Variants in SHROOM3 observed in about 807,000 individuals in gnomAD.
SHROOM3 encodes shroom family member 3.
In SHROOM3, 47 loss-of-function variants were observed where a neutral mutation model predicts 138.6. The observed-to-expected ratio is 0.34, with a 90% confidence interval of 0.27 to 0.43. SHROOM3 has a LOEUF of 0.43. SHROOM3 is among the 20% of genes least tolerant of loss of function. The pLI, the probability that SHROOM3 is intolerant of heterozygous loss-of-function variation, is 1.00. For synonymous variants in SHROOM3, 1,062 were observed against 1,063.3 expected, an observed-to-expected ratio of 1.00 and a Z score of 0.02; for missense variants, 2,491 against 2,596.5, an observed-to-expected ratio of 0.96 and a Z score of 0.88.
chr4:76,452,107 G>T (rs1730938626), intron 1 of SHROOM3, among the ~76,000 whole-genome samples: 1 of 152,084 alleles, frequency 6.6e-6, no homozygotes, highest in African/African-American at 2.4e-5. Context: ...ACCAAAATTA[G>T]GTCAGATGAA....
chr4:76,581,038 T>A (rs1246839305), intron 2 of SHROOM3, among the ~76,000 whole-genome samples: 1 of 152,214 alleles, frequency 6.6e-6, no homozygotes, highest in Non-Finnish European at 1.5e-5. Context: ...AAATGGATCA[T>A]TAATAATGCT....
intron 1 of SHROOM3, among the ~76,000 whole-genome samples, chr4:76,495,807 G>A (rs1361484870): frequency 6.6e-6 from 1 of 152,240 alleles, no homozygotes; most frequent in East Asian, 1.9e-4. Flanking sequence ...TACCATATGT[G>A]TATGGCACCA....
At chr4:76,738,565 G>A (rs1430016162) in intron 4 of SHROOM3, among the ~76,000 whole-genome samples, 196 bp from the exon 5 acceptor site, 3 of 152,330 alleles carry the variant, frequency 2.0e-5, no homozygotes, top group African/African-American at 7.2e-5. Context: ...GAGGCAGATA[G>A]GTTAGAGTGT....
chr4:76,754,793 C>T lies in SHROOM3; in HGVS notation c.4310C>T (p.Ala1437Val). ...TCTCGAGCAAAGTGGGCCCACGCAG[C>T]CAGAGAGGACAGCCTTCCTGAGGAA... ...PPSRAKWAHAAREDSLPEESS... is the reference protein window; with the variant it reads ...PPSRAKWAHAVREDSLPEESS... Residue 1437 changes from alanine to valine, a missense_variant, in exon 7 of 11, where the codon GCC becomes GTC. This residue lies in a region of SHROOM3 where 1,733 missense variants were observed against 1,661.6 expected (regional missense o/e 1.04). Coordinates refer to ENST00000296043, the MANE Select transcript of SHROOM3 (RefSeq NM_020859.4). The T allele has an allele frequency of 6.2e-7, 1 of 1,614,148 alleles. No individual in the cohort carries two copies. The highest frequency in any genetic ancestry group is 1.3e-5 in the African/African-American group (1 of 75,016).
intron 2 of SHROOM3, among the ~76,000 whole-genome samples, chr4:76,645,983 C>T (rs1735804837): frequency 6.6e-6 from 1 of 151,848 alleles, no homozygotes; most frequent in Admixed American, 6.6e-5. Context: ...TCCAACAGTC[C>T]CCCAAAGTGG....
intron 2 of SHROOM3, among the ~76,000 whole-genome samples, chr4:76,590,436 G>A (rs1187597501): frequency 3.9e-5 from 6 of 151,962 alleles, no homozygotes; most frequent in African/African-American, 1.5e-4. Context: ...CCGAGCTCAG[G>A]CCTGAGAACT....
Position 76,741,930 on chromosome 4 carries a change from C to T in SHROOM3, c.3753+4C>T, listed in dbSNP as rs528332496. The T allele has an allele frequency of 8.7e-6, 14 of 1,611,946 alleles. No individual in the cohort carries two copies. The highest frequency in any genetic ancestry group is 8.0e-5 in the African/African-American group (6 of 75,042). On this transcript the variant is annotated splice_donor_region_variant and intron_variant, in intron 5 of 10. Coordinates refer to ENST00000296043, the MANE Select transcript of SHROOM3 (RefSeq NM_020859.4). This position sits in a 1 kb window ranked among gnomAD's most constrained non-coding sequence, Gnocchi z 6.2. ...CGCCACCGCAGACAAGCGCCAGGTA[C>T]GTGCAACCAGCAAGTCCTGGCCTCG...
chr4:76,555,870 A>T, intron 2 of SHROOM3, 107 bp downstream of exon 2: 3 of 1,235,530 alleles, frequency 2.4e-6, no homozygotes, highest in Admixed American at 2.0e-5. Flanking sequence ...CTTGGCTTTA[A>T]ACCTCCATGT....
intron 1 of SHROOM3, among the ~76,000 whole-genome samples, chr4:76,538,652 A>G (rs566963975): frequency 6.6e-6 from 1 of 152,284 alleles, no homozygotes; most frequent in South Asian, 2.1e-4. Flanking sequence ...TTGGTGAAGG[A>G]CTTAAAAAAA....
chr4:76,672,926 G>A (rs1392696599), intron 2 of SHROOM3, among the ~76,000 whole-genome samples: 2 of 152,238 alleles, frequency 1.3e-5, no homozygotes, highest in East Asian at 3.9e-4. Flanking sequence ...AGGGGATTCT[G>A]CCTCATTGCC....
chr4:76,441,285 G>A (rs1730673586), intron 1 of SHROOM3, among the ~76,000 whole-genome samples: 1 of 151,956 alleles, frequency 6.6e-6, no homozygotes, highest in Non-Finnish European at 1.5e-5. Flanking sequence ...AGTAGAGACA[G>A]GGTTTCGCCG....
rs553455053 is a variant in SHROOM3 at position 76,780,134 on chromosome 4, G to A, written c.*957G>A. ...GGCTAAATACGGCCTGTTTATTGAG[G>A]CTGTTTTAATGATGCTTTAAAAAAA... On this transcript the variant is annotated 3_prime_UTR_variant, in exon 11 of 11. Transcript: ENST00000296043. 6 of 152,160 alleles carry A rather than the reference G, an allele frequency of 3.9e-5. No individual in the cohort carries two copies. The South Asian group carries it at 1.2e-3, about 32-fold the overall frequency. 9.4% of individuals were successfully genotyped at this position (152,160 alleles called of 1,614,324 possible).
At chr4:76,737,306 A>G (rs981044489) in intron 4 of SHROOM3, among the ~76,000 whole-genome samples, 2 of 149,364 alleles carry the variant, frequency 1.3e-5, no homozygotes, top group East Asian at 3.9e-4. Context: ...CATTGTGTAG[A>G]TATACCACAG....
At chr4:76,676,938 G>A (rs1404421282) in intron 2 of SHROOM3, among the ~76,000 whole-genome samples, 3 of 105,000 alleles carry the variant, frequency 2.9e-5, no homozygotes, top group Non-Finnish European at 5.2e-5. Flanking sequence ...GCGAGACTCC[G>A]TCTCACAAAA....
Position 76,779,160 on chromosome 4 carries a change from T to G in SHROOM3, c.5974T>G (p.Leu1992Val). ...TACTTTCAGTGGTATTTTCCCAACA[T>G]TAACCTCTCCACTTTAACCTCTTCT... ...GCTFSGIFPTLTSPL is the reference protein window; with the variant it reads ...GCTFSGIFPTVTSPL The change falls in exon 11 of 11, where the codon TTA becomes GTA. Residue 1992 changes from leucine (L) to valine (V), a missense_variant. Transcript: ENST00000296043. The G allele has an allele frequency of 2.5e-6, 4 of 1,611,484 alleles. No individual in the cohort carries two copies. The highest frequency in any genetic ancestry group is 3.4e-6 in the Non-Finnish European group (4 of 1,178,350).
At position 76,528,548 on chromosome 4, in the gene SHROOM3, C is replaced by CTTTT. The variant is rs35121750; in HGVS notation, c.169-27050_169-27047dup. ...TTCTCTCCTTTATCTTTCTTTCTTT[C>CTTTT]TTTTTTTTTTTTTTGAGGCAGAGTT... On this transcript the variant is annotated intron_variant, in intron 1 of 10. Coordinates refer to ENST00000296043, the MANE Select transcript of SHROOM3 (RefSeq NM_020859.4). Among the ~76,000 whole-genome samples, 20 of 125,036 alleles carry CTTTT rather than the reference C, an allele frequency of 1.6e-4. 1 individual carries two copies. Among genetic ancestry groups the CTTTT allele is most frequent in the Non-Finnish European group, 2.2e-4 (14 of 62,592 alleles). 82.0% of individuals were successfully genotyped at this position (125,036 alleles called of 152,430 possible).
rs193249493 is a variant in SHROOM3, at chr4:76,705,609, A to G, written c.324-4547A>G. On this transcript the variant is annotated intron_variant, in intron 2 of 10. Coordinates refer to ENST00000296043, the MANE Select transcript of SHROOM3 (RefSeq NM_020859.4). The stretch of plus-strand genomic sequence containing the variant: ...TGAATGTCCTCATCATGGGAAGTAG[A>G]AGAAATATGTGGGTGGCTGGCCTGG... Among the ~76,000 whole-genome samples, 277 of 152,348 alleles carry G rather than the reference A, an allele frequency of 1.8e-3. 1 individual carries two copies. Among genetic ancestry groups the G allele is most frequent in the African/African-American group, 6.4e-3 (268 of 41,580 alleles).
chr4:76,527,472 A>C (rs1732716186), intron 1 of SHROOM3, among the ~76,000 whole-genome samples: 2 of 152,144 alleles, frequency 1.3e-5, no homozygotes, highest in Non-Finnish European at 2.9e-5. Context: ...AATCCCAGCT[A>C]CTCGGGAGGC....
intron 4 of SHROOM3, among the ~76,000 whole-genome samples, chr4:76,735,458 A>G (rs1721008906): frequency 6.6e-6 from 1 of 152,050 alleles, no homozygotes; most frequent in Non-Finnish European, 1.5e-5. Flanking sequence ...TAGGTTTGCT[A>G]CAGGAAGGAA....
Sources: gnomAD v4.1 joint callset for allele counts (sites outside exome capture counted in the v4.1 genomes callset) on GRCh38, gnomAD v4.1.1 for gene constraint, gnomAD v4.1.1 regional missense constraint, Gnocchi (gnomAD v3.1) non-coding constraint, MANE v1.5 for transcripts, NCBI Gene and HGNC (gene_info 2026-07-23, HGNC 2026-07-21) for gene names.